The following CCNJL variants were observed in gnomAD, a reference collection of about 807,000 sequenced individuals.
The protein encoded by CCNJL is cyclin-J-like protein.
Under a neutral mutation model 33.4 loss-of-function variants are expected in CCNJL, and 33 were observed. That is an observed-to-expected ratio of 0.99 (90% CI 0.75 to 1.32). The LOEUF is 1.32. CCNJL is among the 40% of genes most tolerant of loss of function. The pLI is 0.00. For synonymous variants in CCNJL, 227 were observed against 220.9 expected (o/e 1.03, Z -0.24); for missense variants, 512 against 499.7 (o/e 1.02, Z -0.23).
At chr5:160,334,513 C>T (rs889380935) in intron 1 of CCNJL, among the ~76,000 whole-genome samples, 5 of 152,302 alleles carry the variant, frequency 3.3e-5, no homozygotes, top group Non-Finnish European at 5.9e-5. Context: ...TTAATCCTCA[C>T]GACAACCTTA....
intron 3 of CCNJL, among the ~76,000 whole-genome samples, chr5:160,261,622 C>A (rs1005524779): frequency 1.3e-5 from 2 of 152,028 alleles, no homozygotes; most frequent in Admixed American, 6.5e-5. Context: ...CAGCTCCCCC[C>A]ATACTCCCCC....
intron 3 of CCNJL, among the ~76,000 whole-genome samples, chr5:160,279,075 C>T (rs1246166951): frequency 1.3e-5 from 2 of 152,176 alleles, no homozygotes; most frequent in Non-Finnish European, 2.9e-5. Context: ...GCGTGGAAAA[C>T]GAGACAGAAT....
intron 1 of CCNJL, among the ~76,000 whole-genome samples, chr5:160,331,275 G>A (rs1763604887): frequency 6.7e-6 from 1 of 148,382 alleles, no homozygotes; most frequent in Admixed American, 6.7e-5. Context: ...CCAGGCTGGA[G>A]TGCGGTGGCG....
intron 1 of CCNJL, among the ~76,000 whole-genome samples, chr5:160,328,116 G>C (rs1374755526): frequency 6.6e-5 from 10 of 152,224 alleles, no homozygotes; most frequent in Non-Finnish European, 1.5e-4. Context: ...AAGAGAAAGG[G>C]CAGCGAACCT....
At chr5:160,330,884 G>A (rs1372179440) in intron 1 of CCNJL, among the ~76,000 whole-genome samples, 4 of 151,954 alleles carry the variant, frequency 2.6e-5, no homozygotes, top group African/African-American at 9.7e-5. Context: ...GGCTAGTCTC[G>A]AACTCTGATC....
intron 2 of CCNJL, chr5:160,281,487 AAT>A (rs1561790128): frequency 6.5e-6 from 1 of 152,890 alleles, no homozygotes; most frequent in African/African-American, 2.4e-5. Flanking sequence ...TCTACTTTGC[AAT>A]ATATATACTG....
intron 5 of CCNJL, chr5:160,254,383 T>G: frequency 1.6e-6 from 1 of 640,828 alleles, no homozygotes; most frequent in Non-Finnish European, 2.8e-6. Context: ...CCATATAGCT[T>G]TTTGGGAAAA....
intron 2 of CCNJL, among the ~76,000 whole-genome samples, chr5:160,288,641 C>T (rs991317820): frequency 2.6e-5 from 4 of 151,940 alleles, no homozygotes; most frequent in Middle Eastern, 3.4e-3. Flanking sequence ...GAGGCTGAGG[C>T]GGGCGGATCA....
intron 3 of CCNJL, among the ~76,000 whole-genome samples, chr5:160,277,386 T>C (rs1263318109): frequency 6.6e-6 from 1 of 152,134 alleles, no homozygotes; most frequent in Non-Finnish European, 1.5e-5. Context: ...GATTTCCACG[T>C]TGTCAAATTA....
At chr5:160,260,619 G>A (rs1363723521) in intron 3 of CCNJL, among the ~76,000 whole-genome samples, 1 of 152,144 alleles carries the variant, frequency 6.6e-6, no homozygotes, top group African/African-American at 2.4e-5. Context: ...CTCAGGGGCT[G>A]GTGGGGGGGC....
chr5:160,285,975 A>G (rs1235718560), intron 2 of CCNJL, among the ~76,000 whole-genome samples: 1 of 152,228 alleles, frequency 6.6e-6, no homozygotes, highest in African/African-American at 2.4e-5. Flanking sequence ...ACAAGCTTGC[A>G]GACTACGTGG....
At chr5:160,288,487 A>G (rs778282049) in intron 2 of CCNJL, among the ~76,000 whole-genome samples, 3 of 152,136 alleles carry the variant, frequency 2.0e-5, no homozygotes, top group Admixed American at 6.6e-5. Flanking sequence ...TACAATGCAA[A>G]GCCCCTTCCA....
intron 2 of CCNJL, among the ~76,000 whole-genome samples, chr5:160,293,396 G>A (rs1396215844): frequency 6.6e-6 from 1 of 152,186 alleles, no homozygotes; most frequent in African/African-American, 2.4e-5. Context: ...CTGGGTGACA[G>A]AGCGAGACTC....
chr5:160,339,534 T>C (rs1763725229), exon 1 of CCNJL: 1 of 452,578 alleles, frequency 2.2e-6, no homozygotes, highest in African/African-American at 2.0e-5. Context: ...TCCAAATCTT[T>C]GTCGACTTGC....
chr5:160,319,681 A>G (rs1196489027), intron 1 of CCNJL, among the ~76,000 whole-genome samples: 2 of 152,196 alleles, frequency 1.3e-5, no homozygotes, highest in African/African-American at 4.8e-5. Flanking sequence ...CTGGAATCCC[A>G]GTACGTTGGG....
intron 2 of CCNJL, among the ~76,000 whole-genome samples, chr5:160,290,616 T>TC (rs888148608): frequency 7.9e-5 from 12 of 151,916 alleles, no homozygotes; most frequent in African/African-American, 2.7e-4. Flanking sequence ...TTCTGTGAGA[T>TC]CCCCCCCAAG....
In CCNJL at chr5:160,331,134, C is replaced by T. The variant is rs138069973; in HGVS notation, n.206+8311G>A. 4.5e-3 allele frequency among the ~76,000 whole-genome samples: 687 copies of T among 152,274 alleles called. 5 individuals are homozygous for T. The highest frequency in any genetic ancestry group is 0.016 in the African/African-American group (645 of 41,550). Reference sequence around the variant, plus strand: ...AACTCCTCGACCACTCACCACTTATCACTTGCCATCTTTCCAGCTCACCCT... The same window carrying T: ...AACTCCTCGACCACTCACCACTTATTACTTGCCATCTTTCCAGCTCACCCT... On this transcript the variant is annotated intron_variant and non_coding_transcript_variant, in intron 1 of 7. Transcript: ENST00000377503.
chr5:160,262,089 G>GC (rs1761362455), intron 3 of CCNJL, among the ~76,000 whole-genome samples: 1 of 151,952 alleles, frequency 6.6e-6, no homozygotes, highest in South Asian at 2.1e-4. Context: ...TTCCAAAGTT[G>GC]CCCCGGCTCC....
intron 2 of CCNJL, among the ~76,000 whole-genome samples, chr5:160,306,467 GAGA>G (rs1381464688): frequency 6.6e-6 from 1 of 152,098 alleles, no homozygotes; most frequent in Non-Finnish European, 1.5e-5. Context: ...CCCAGTGGAC[GAGA>G]AGGAGGGAGC....
Sources: allele counts gnomAD v4.1 joint callset (sites outside exome capture counted in the v4.1 genomes callset), GRCh38; gene constraint gnomAD v4.1.1; transcripts MANE v1.5; gene names NCBI Gene and HGNC (gene_info 2026-07-23, HGNC 2026-07-21).